The following RAPGEF1 variants were observed in gnomAD, a reference collection of about 807,000 sequenced individuals.
RAPGEF1 encodes Rap guanine nucleotide exchange factor 1, also known as CRK SH3-binding GNRP.
RAPGEF1 carries 33 observed loss-of-function variants against 143.3 expected under a neutral mutation model. The ratio of observed to expected loss-of-function variants is 0.23; its 90% CI spans 0.17 to 0.31. The LOEUF is 0.31. RAPGEF1 is among the 10% of genes least tolerant of loss of function. The probability of loss-of-function intolerance (pLI) is 1.00; values close to 1 mark genes in which losing one functional copy is unlikely to be tolerated. For synonymous variants in RAPGEF1, 629 were observed against 676.5 expected, an observed-to-expected ratio of 0.93 and a Z score of 1.09; for missense variants, 1,199 against 1,645.4, an observed-to-expected ratio of 0.73 and a Z score of 4.69.
rs1951494626 is a variant in RAPGEF1, at chr9:131,579,160, T to C, written c.*337A>G. 1 of 259,128 alleles carries C rather than the reference T, an allele frequency of 3.9e-6. No homozygotes were observed. The highest frequency in any genetic ancestry group is 7.6e-6 in the Non-Finnish European group (1 of 132,044). 16.1% of individuals were successfully genotyped at this position (259,128 alleles called of 1,614,324 possible). On this transcript the variant is annotated 3_prime_UTR_variant, in exon 27 of 27. Coordinates refer to ENST00000683357, the MANE Select transcript of RAPGEF1 (RefSeq NM_001377935.1). Reference sequence around the variant, plus strand: ...CTTGGTCTGCTGATGAGGTCTCTGCTGCTCTCTCCCTGGAGGGGAGTGGGT... The same window carrying C: ...CTTGGTCTGCTGATGAGGTCTCTGCCGCTCTCTCCCTGGAGGGGAGTGGGT...
Position 131,650,730 on chromosome 9 carries a change from A to G in RAPGEF1, c.201+80T>C, listed in dbSNP as rs1970864682. The G allele has an allele frequency of 1.2e-5, 19 of 1,548,690 alleles. No individual in the cohort carries two copies. The highest frequency in any genetic ancestry group is 1.7e-5 in the Non-Finnish European group (19 of 1,142,408). Reference sequence around the variant, plus strand: ...ATGATGCACTGAAAGCTCAATCCCCAGGGAGGGAACATACAAATCGCACAA... The same window carrying G: ...ATGATGCACTGAAAGCTCAATCCCCGGGGAGGGAACATACAAATCGCACAA... On this transcript the variant is annotated intron_variant, in intron 2 of 26. Transcript: ENST00000683357. The surrounding 1 kb of genome is among the most constrained non-coding windows in gnomAD (Gnocchi z 4.7).
At chr9:131,656,516 C>T (rs1204334369) in intron 1 of RAPGEF1, among the ~76,000 whole-genome samples, 1 of 152,206 alleles carries the variant, frequency 6.6e-6, no homozygotes, top group Admixed American at 6.5e-5. Context: ...GCAGGGAAAG[C>T]AGACACAAAT....
chr9:131,592,247 G>T, intron 17 of RAPGEF1, 64 bp from the exon 18 acceptor site: 1 of 1,356,582 alleles, frequency 7.4e-7, no homozygotes, highest in Non-Finnish European at 1.1e-6. Context: ...TGGTAGCCAG[G>T]GTGGATTTGA....
rs549844330 is a variant in RAPGEF1 at position 131,663,110 on chromosome 9, G to GA, written c.62-12162dup. 2.1e-3 allele frequency among the ~76,000 whole-genome samples: 298 copies of GA among 141,122 alleles called. 2 individuals are homozygous for GA. Among genetic ancestry groups the GA allele is most frequent in the African/African-American group, 7.1e-3 (272 of 38,202 alleles). 92.6% of individuals were successfully genotyped at this position (141,122 alleles called of 152,430 possible). On this transcript the variant is annotated intron_variant, in intron 1 of 26. Transcript: ENST00000683357. The stretch of plus-strand genomic sequence containing the variant: ...GCCCGCTTTCCAAAGTTATATTTTG[G>GA]AAAAAAAAAAATCAAATCTATTGAT...
Position 131,587,091 on chromosome 9 carries a change from G to C in RAPGEF1, c.3233+645C>G, listed in dbSNP as rs1240713754. 1.8e-5 allele frequency among the ~76,000 whole-genome samples: 2 copies of C among 109,714 alleles called. 1 individual carries two copies. The highest frequency in any genetic ancestry group is 3.6e-5 in the Non-Finnish European group (2 of 55,016). The allele number at this position is 109,714 out of a possible 152,430, so 72.0% of individuals were successfully genotyped here. ...ACACACACACACACACACCTGCAGA[G>C]CGAGACTCCGTCTTACACACACACC... On this transcript the variant is annotated intron_variant, in intron 22 of 26. Coordinates refer to ENST00000683357, the MANE Select transcript of RAPGEF1 (RefSeq NM_001377935.1).
chr9:131,628,822 A>C lies in RAPGEF1; in HGVS notation c.894-150T>G. 1.5e-5 allele frequency: 17 copies of C among 1,116,890 alleles called. No homozygotes were observed. Among genetic ancestry groups the C allele is most frequent in the Non-Finnish European group, 2.1e-5 (17 of 795,174 alleles). The allele number at this position is 1,116,890 out of a possible 1,614,324, so 69.2% of individuals were successfully genotyped here. A position where few individuals can be genotyped will look rare whatever the true frequency, so the allele number is the denominator to read the frequency against. On this transcript the variant is annotated intron_variant, in intron 7 of 26. Coordinates refer to ENST00000683357, the MANE Select transcript of RAPGEF1 (RefSeq NM_001377935.1). The surrounding 1 kb of genome is among the most constrained non-coding windows in gnomAD (Gnocchi z 5.7). ...CAACTCCTGCCTACTCCCCTCCGCC[A>C]AAATAAAACCTGTAAATACCAAATG... is the stretch of plus-strand genomic sequence containing the variant.
At position 131,577,442 on chromosome 9, in the gene RAPGEF1, G is replaced by A. The variant is rs1401278951; in HGVS notation, c.*2055C>T. 2.6e-5 allele frequency: 4 copies of A among 152,286 alleles called. No individual in the cohort carries two copies. The highest frequency in any genetic ancestry group is 4.8e-5 in the African/African-American group (2 of 41,472). 9.4% of individuals were successfully genotyped at this position (152,286 alleles called of 1,614,324 possible). ...GTGGACAGCACCCGACCACAGACAC[G>A]GTTCTGCCTGCTGCTGGAGTGAGAG... On this transcript the variant is annotated 3_prime_UTR_variant, in exon 27 of 27. Coordinates refer to ENST00000683357, the MANE Select transcript of RAPGEF1 (RefSeq NM_001377935.1).
intron 1 of RAPGEF1, among the ~76,000 whole-genome samples, chr9:131,719,608 A>G (rs1836116137): frequency 8.1e-6 from 1 of 123,960 alleles, no homozygotes; most frequent in Non-Finnish European, 1.6e-5. Flanking sequence ...ACCCGGAGAG[A>G]TAGTAGTAAG....
rs548468231 is a variant in RAPGEF1, at chr9:131,673,780, T to G, written c.62-22831A>C. ...GTCAGAAATTGCCAAGAGCCACCAGTGACCGTGAAGAAAAACATGCCGCTT... is the reference window on the plus strand; with the variant it reads ...GTCAGAAATTGCCAAGAGCCACCAGGGACCGTGAAGAAAAACATGCCGCTT... On this transcript the variant is annotated intron_variant, in intron 1 of 26. Transcript: ENST00000683357. 3.0e-4 allele frequency among the ~76,000 whole-genome samples: 45 copies of G among 152,296 alleles called. No individual in the cohort carries two copies. In the South Asian group the frequency reaches 9.1e-3, roughly 31 times the overall value.
chr9:131,602,250 T>A, intron 14 of RAPGEF1, 101 bp from the exon 15 acceptor site: 2 of 753,840 alleles, frequency 2.7e-6, no homozygotes, highest in Non-Finnish European at 4.4e-6. Flanking sequence ...GAGTGCAAGT[T>A]CCTATGGAGC....
At chr9:131,604,196 T>A (rs2132504214) in intron 13 of RAPGEF1, 143 bp from the exon 14 acceptor site, 1 of 395,296 alleles carries the variant, frequency 2.5e-6, no homozygotes, top group African/African-American at 2.1e-5. Flanking sequence ...CTTGCCTCTG[T>A]GCTAGAGGGG....
intron 1 of RAPGEF1, among the ~76,000 whole-genome samples, chr9:131,722,599 G>C (rs555561592): frequency 6.6e-6 from 1 of 152,354 alleles, no homozygotes; most frequent in East Asian, 1.9e-4. Flanking sequence ...ATCGGCCCCT[G>C]ATGGGAATGG....
intron 3 of RAPGEF1, among the ~76,000 whole-genome samples, chr9:131,645,134 C>A (rs189850707): frequency 6.6e-6 from 1 of 152,330 alleles, no homozygotes; most frequent in East Asian, 1.9e-4. Flanking sequence ...TACTTTTCCA[C>A]CTCGTGGACA....
intron 3 of RAPGEF1, among the ~76,000 whole-genome samples, chr9:131,647,047 G>A (rs1489285560): frequency 6.6e-6 from 1 of 152,152 alleles, no homozygotes; most frequent in East Asian, 1.9e-4. Context: ...AGGACCCCCT[G>A]CTCACTGCTC....
intron 9 of RAPGEF1, among the ~76,000 whole-genome samples, chr9:131,627,245 A>G (rs71503111): frequency 6.6e-6 from 1 of 150,960 alleles, no homozygotes; most frequent in Non-Finnish European, 1.5e-5. Context: ...AAAAAAAGAA[A>G]CAATTGAGAA....
chr9:131,665,605 A>C (rs1402892767), intron 1 of RAPGEF1, among the ~76,000 whole-genome samples: 1 of 152,050 alleles, frequency 6.6e-6, no homozygotes, highest in Non-Finnish European at 1.5e-5. Flanking sequence ...TCTCCCTCAG[A>C]GAGGCCCTGT....
chr9:131,617,731 C>T (rs1170059897), intron 12 of RAPGEF1, among the ~76,000 whole-genome samples: 1 of 152,192 alleles, frequency 6.6e-6, no homozygotes, highest in East Asian at 1.9e-4. Flanking sequence ...AATTTTCACA[C>T]TTACAAAATA....
At position 131,621,022 on chromosome 9, in the gene RAPGEF1, G is replaced by C. The variant is rs1184775614; in HGVS notation, c.1905+774C>G. On this transcript the variant is annotated intron_variant, in intron 11 of 26. Coordinates refer to ENST00000683357, the MANE Select transcript of RAPGEF1 (RefSeq NM_001377935.1). The surrounding 1 kb of genome is among the most constrained non-coding windows in gnomAD (Gnocchi z 4.5). ...CTTCCTGGGGAGCATGGCTGGACAA[G>C]AGGCTCAGATCTTCAAACCTGACTA... Among the ~76,000 whole-genome samples the C allele has an allele frequency of 1.3e-5, 2 of 152,212 alleles. No individual in the cohort carries two copies. The highest frequency in any genetic ancestry group is 4.8e-5 in the African/African-American group (2 of 41,444).
At chr9:131,692,438 T>A (rs34906151) in intron 1 of RAPGEF1, among the ~76,000 whole-genome samples, 34,575 of 152,170 alleles carry the variant, frequency 0.23, 4,581 homozygotes, top group Non-Finnish European at 0.3. Context: ...ACTCTCCAAA[T>A]ACACACAAGA....
Sources: gnomAD v4.1 joint callset for allele counts (sites outside exome capture counted in the v4.1 genomes callset) on GRCh38, gnomAD v4.1.1 for gene constraint, Gnocchi (gnomAD v3.1) non-coding constraint, MANE v1.5 for transcripts, NCBI Gene and HGNC (gene_info 2026-07-23, HGNC 2026-07-21) for gene names.